RTL9: variants seen among roughly 807,000 people sequenced by gnomAD.
RTL9 encodes retrotransposon Gag-like protein 9.
Under a neutral mutation model 44.7 loss-of-function variants are expected in RTL9, and 19 were observed. That is an observed-to-expected ratio of 0.42 (90% confidence interval 0.30 to 0.62). The LOEUF (loss-of-function observed/expected upper bound fraction) is 0.62. RTL9 is among the 20% of genes least tolerant of loss of function. RTL9 has a pLI of 0.16. For synonymous variants in RTL9, 407 were observed against 398.9 expected, an observed-to-expected ratio of 1.02 and a Z score of -0.24; for missense variants, 1,105 against 1,080.6, an observed-to-expected ratio of 1.02 and a Z score of -0.32.
chrX:110,451,029 A>T, exon 1 of RTL9: 2 of 1,211,541 alleles, frequency 1.7e-6, no homozygotes, highest in Non-Finnish European at 2.2e-6. Flanking sequence ...GTATGGGGTA[A>T]TGTCCCCAGG....
At chrX:110,434,728 TG>T in intron 1 of RTL9, among the ~76,000 whole-genome samples, 1 of 111,038 alleles carries the variant, frequency 9.0e-6, no homozygotes, top group Middle Eastern at 4.7e-3. Context: ...AGCAAGAAAC[TG>T]GGAATCTTGG....
intron 1 of RTL9, among the ~76,000 whole-genome samples, chrX:110,433,667 T>C (rs1362945805): frequency 8.9e-6 from 1 of 111,884 alleles, no homozygotes; most frequent in Non-Finnish European, 1.9e-5. Flanking sequence ...TCTATTTGGC[T>C]CACTCTCAAT....
intron 1 of RTL9, among the ~76,000 whole-genome samples, chrX:110,363,026 C>A (rs757329754): frequency 8.9e-6 from 1 of 112,029 alleles, no homozygotes; most frequent in East Asian, 2.8e-4. Flanking sequence ...CAGGTCTGCC[C>A]AACTCCAGAG....
chrX:110,404,013 G>A (rs1187151432), intron 1 of RTL9, among the ~76,000 whole-genome samples: 1 of 112,518 alleles, frequency 8.9e-6, no homozygotes, highest in Admixed American at 9.4e-5. Flanking sequence ...AGTCCAGCAT[G>A]GGGTGGAAGC....
At chrX:110,407,430 C>G (rs1265937495) in intron 1 of RTL9, among the ~76,000 whole-genome samples, 1 of 111,903 alleles carries the variant, frequency 8.9e-6, no homozygotes, top group Non-Finnish European at 1.9e-5. Flanking sequence ...TCAGCAGAAG[C>G]CACTTTTCAG....
In RTL9 at chrX:110,452,733, C is replaced by T. The variant is rs773492564; in HGVS notation, c.2116C>T (p.Pro706Ser). Residue 706 changes from proline to serine, a missense_variant, in exon 1 of 2, where the codon CCT (proline) becomes TCT (serine). Coordinates refer to ENST00000540313, the Ensembl canonical transcript of RTL9. ...GAGAGCTCAAGACCCAGGAGTAATG[C>T]CTGCCTCACTAATGAGAGCCAAAGT... The T allele has an allele frequency of 1.2e-5, 14 of 1,208,469 alleles. No homozygotes were observed. The highest frequency in any genetic ancestry group is 1.5e-5 in the Non-Finnish European group (13 of 894,261).
At chrX:110,442,220 T>TC (rs1491057303) in intron 1 of RTL9, among the ~76,000 whole-genome samples, 1 of 90,649 alleles carries the variant, frequency 1.1e-5, no homozygotes, top group Non-Finnish European at 2.1e-5. Flanking sequence ...GATCGAAGTC[T>TC]TTCTCTCTCT....
upstream of RTL9, among the ~76,000 whole-genome samples, chrX:110,447,712 T>C (rs1178505838): frequency 1.8e-5 from 2 of 111,229 alleles, no homozygotes; most frequent in South Asian, 3.8e-4. Flanking sequence ...AATGCATATG[T>C]AGTGCTTAGC....
At chrX:110,429,365 G>T (rs1435535168) in intron 1 of RTL9, among the ~76,000 whole-genome samples, 1 of 110,113 alleles carries the variant, frequency 9.1e-6, no homozygotes, top group Non-Finnish European at 1.9e-5. Flanking sequence ...CTGCAAACCT[G>T]ATTTAAATCC....
At chrX:110,366,173 A>T (rs2068295951) in intron 1 of RTL9, among the ~76,000 whole-genome samples, 1 of 111,690 alleles carries the variant, frequency 9.0e-6, no homozygotes, top group Admixed American at 9.5e-5. Context: ...CCCCAACATG[A>T]TTCCTAAGCT....
chrX:110,398,555 T>C (rs1484907921), intron 1 of RTL9, among the ~76,000 whole-genome samples: 1 of 112,547 alleles, frequency 8.9e-6, no homozygotes, highest in Non-Finnish European at 1.9e-5. Flanking sequence ...TGTCTGTTTT[T>C]ACAAATGATG....
At chrX:110,446,305 A>C (rs775915345), upstream of RTL9, among the ~76,000 whole-genome samples, 1 of 111,408 alleles carries the variant, frequency 9.0e-6, no homozygotes, top group South Asian at 3.8e-4. Context: ...ACTAAACATA[A>C]ATAAAAGTTA....
intron 1 of RTL9, among the ~76,000 whole-genome samples, chrX:110,370,115 G>C (rs1339878492): frequency 8.9e-6 from 1 of 111,939 alleles, no homozygotes; most frequent in East Asian, 2.8e-4. Context: ...CTGGTACATA[G>C]AGGACATACA....
chrX:110,430,232 G>A lies in RTL9; in HGVS notation c.-168+11097G>A, dbSNP rs143511540. 5.5e-3 allele frequency among the ~76,000 whole-genome samples: 616 copies of A among 112,643 alleles called. 4 individuals are homozygous for A. Among genetic ancestry groups the A allele is most frequent in the African/African-American group, 0.018 (560 of 31,027 alleles). On this transcript the variant is annotated intron_variant, in intron 1 of 3. Coordinates refer to the RTL9 transcript ENST00000465301. Reference sequence around the variant, plus strand: ...GGATGAATGAATGTGGTACTTTACCGCTTCTTTTGGAAGCCCAATAAGAAT... The same window carrying A: ...GGATGAATGAATGTGGTACTTTACCACTTCTTTTGGAAGCCCAATAAGAAT...
chrX:110,451,663 C>T, exon 1 of RTL9: 2 of 1,211,738 alleles, frequency 1.7e-6, no homozygotes, highest in Non-Finnish European at 2.2e-6. Context: ...ATGTCCCCAG[C>T]ACTAATGACG....
intron 1 of RTL9, among the ~76,000 whole-genome samples, chrX:110,401,376 C>A (rs752891985): frequency 5.4e-5 from 6 of 111,725 alleles, no homozygotes; most frequent in Non-Finnish European, 1.1e-4. Flanking sequence ...ACTATGGCTC[C>A]TACAGGCAGC....
chrX:110,452,277 A>ATGTCC lies in RTL9; in HGVS notation c.1662_1663insTCCTG (p.Arg555SerfsTer2). On this transcript the variant is annotated frameshift_variant, in exon 1 of 2. Transcript: ENST00000540313. LOFTEE classifies it high-confidence loss of function. ...CTCTGAAGCAATGTCCATGCCACAAATGAGAACCATGGCCTCAGGATTGAC... is the reference window on the plus strand; with the variant it reads ...CTCTGAAGCAATGTCCATGCCACAAATGTCCTGAGAACCATGGCCTCAGGATTGAC... 1.7e-6 allele frequency: 2 copies of ATGTCC among 1,211,586 alleles called. No individual in the cohort carries two copies. The highest frequency in any genetic ancestry group is 2.2e-6 in the Non-Finnish European group (2 of 895,451).
exon 2 of RTL9, chrX:110,455,467 C>A: frequency 1.5e-6 from 1 of 689,362 alleles, no homozygotes; most frequent in Non-Finnish European, 2.1e-6. Context: ...CCTTACCTCT[C>A]ACTTGGCTGA....
At chrX:110,364,789 A>G (rs182971560) in intron 1 of RTL9, among the ~76,000 whole-genome samples, 31 of 112,098 alleles carry the variant, frequency 2.8e-4, no homozygotes, top group Non-Finnish European at 5.1e-4. Context: ...GGGATAGCAT[A>G]ATATTCTAAG....
Sources: allele counts gnomAD v4.1 joint callset (sites outside exome capture counted in the v4.1 genomes callset), GRCh38; gene constraint gnomAD v4.1.1; transcripts MANE v1.5; gene names NCBI Gene and HGNC (gene_info 2026-07-23, HGNC 2026-07-21).